HERC2: variants seen among roughly 807,000 people sequenced by gnomAD.
HERC2 encodes HECT and RLD domain containing E3 ubiquitin protein ligase 2, also known as E3 ubiquitin-protein ligase HERC2.
Under a neutral mutation model 537.7 loss-of-function variants are expected in HERC2, and 102 were observed. The observed-to-expected ratio is 0.19, with a 90% CI of 0.16 to 0.22. HERC2 has a LOEUF of 0.22. Among genes scored for constraint, HERC2 ranks in the 10% least tolerant of loss-of-function variants. The pLI, the probability that HERC2 is intolerant of heterozygous loss-of-function variation, is 1.00. For synonymous variants in HERC2, 2,224 were observed against 2,466.2 expected, an observed-to-expected ratio of 0.90 and a Z score of 2.91; for missense variants, 4,236 against 6,198.2, an observed-to-expected ratio of 0.68 and a Z score of 10.63.
chr15:28,314,077 T>C (rs1357912166), intron 2 of HERC2, among the ~76,000 whole-genome samples: 4 of 152,352 alleles, frequency 2.6e-5, no homozygotes, highest in Middle Eastern at 3.4e-3. Flanking sequence ...TGCAGTGACC[T>C]GGGATTGCCT....
intron 2 of HERC2, among the ~76,000 whole-genome samples, chr15:28,311,217 C>A (rs2076936180): frequency 6.6e-6 from 1 of 151,130 alleles, no homozygotes; most frequent in African/African-American, 2.4e-5. Context: ...GTAATCCCAG[C>A]AGTCTGGGAG....
At chr15:28,142,163 T>A in intron 76 of HERC2, 75 bp downstream of exon 76, 1 of 1,508,634 alleles carries the variant, frequency 6.6e-7, no homozygotes, top group East Asian at 2.3e-5. Context: ...TGTCTCGTAA[T>A]ATTGGCATCT....
intron 4 of HERC2, among the ~76,000 whole-genome samples, chr15:28,284,027 G>A (rs1214136427): frequency 1.3e-5 from 2 of 152,244 alleles, no homozygotes; most frequent in African/African-American, 2.4e-5. Context: ...CTTATACACA[G>A]AGCCTGAAGG....
In HERC2 at chr15:28,272,483, C is replaced by T. The variant is rs144012187; in HGVS notation, c.912-97G>A. On this transcript the variant is annotated intron_variant, in intron 8 of 92. Coordinates refer to ENST00000261609, the MANE Select transcript of HERC2 (RefSeq NM_004667.6). The stretch of plus-strand genomic sequence containing the variant: ...AAGCAAATAGCTGGATAGAAGTGAA[C>T]AAATACTTGGGATTTGAAAGGAAAC... The T allele has an allele frequency of 1.3e-5, 15 of 1,122,126 alleles. No homozygotes were observed. The Admixed American group carries it at 2.2e-4, about 17-fold the overall frequency. The allele number at this position is 1,122,126 out of a possible 1,614,324, so 69.5% of individuals were successfully genotyped here.
chr15:28,216,256 T>C (rs893481845), intron 38 of HERC2, among the ~76,000 whole-genome samples: 10 of 152,346 alleles, frequency 6.6e-5, no homozygotes, highest in Admixed American at 5.9e-4. Flanking sequence ...ATATTTTTAA[T>C]TTCGTGTTTT....
chr15:28,294,753 G>A (rs970128027), intron 3 of HERC2, among the ~76,000 whole-genome samples: 2 of 151,930 alleles, frequency 1.3e-5, no homozygotes, highest in Non-Finnish European at 2.9e-5. Flanking sequence ...GTTCCCAAGT[G>A]CAGCCCCCGT....
At chr15:28,153,302 G>A (rs531833675) in intron 69 of HERC2, among the ~76,000 whole-genome samples, 9 of 152,016 alleles carry the variant, frequency 5.9e-5, no homozygotes, top group Non-Finnish European at 1.0e-4. Context: ...GCGGTGAGCC[G>A]AGATCACACC....
intron 81 of HERC2, among the ~76,000 whole-genome samples, chr15:28,130,907 G>T (rs1890040116): frequency 6.6e-6 from 1 of 152,130 alleles, no homozygotes; most frequent in Non-Finnish European, 1.5e-5. Context: ...ATGCTTCTCT[G>T]TGCAGGAGCA....
At position 28,218,652 on chromosome 15, in the gene HERC2, C is replaced by G. The variant is rs747319237; in HGVS notation, c.5865G>C (p.Arg1955Ser). 6 of 1,586,922 alleles carry G rather than the reference C, an allele frequency of 3.8e-6. No individual in the cohort carries two copies. The highest frequency in any genetic ancestry group is 2.7e-5 in the African/African-American group (2 of 74,626). Residue 1955 changes from arginine (R) to serine (S), a missense_variant, in exon 38 of 93, where the codon AGG (arginine) becomes AGC (serine). By Grantham distance (110) the Arg-to-Ser change is moderately radical (BLOSUM62 -1). Around this residue, in one of 27 missense-constraint regions of HERC2, gnomAD observed 365 missense variants for 468.8 expected, o/e 0.78. Transcript: ENST00000261609. ...EDDSEAEQTE[R>S]NIHPTAMMFT... ...ACATCATTGCAGTGGGGTGAATGTT[C>G]CTTTCAGTTTGTTCGGCTTCTAAAA... is the stretch of plus-strand genomic sequence containing the variant.
At chr15:28,199,244 G>A (rs994971804) in intron 48 of HERC2, among the ~76,000 whole-genome samples, 1 of 152,172 alleles carries the variant, frequency 6.6e-6, no homozygotes, top group African/African-American at 2.4e-5. Context: ...GTCTGGCTTT[G>A]TGTCTCAGGC....
intron 88 of HERC2, among the ~76,000 whole-genome samples, chr15:28,116,190 G>T (rs914297694): frequency 6.6e-6 from 1 of 151,648 alleles, no homozygotes; most frequent in African/African-American, 2.4e-5. Flanking sequence ...GTTGGTGAAA[G>T]GCACGATCAA....
In HERC2 at chr15:28,248,375, C is replaced by T. The variant is rs1055699262; in HGVS notation, c.3235+177G>A. On this transcript the variant is annotated intron_variant, in intron 21 of 92. Coordinates refer to ENST00000261609, the MANE Select transcript of HERC2 (RefSeq NM_004667.6). ...AAGGCAACAAAATTAAAAATATTAACGAGGCTATTATAGAAAGGTCCAACT... is the reference window on the plus strand; with the variant it reads ...AAGGCAACAAAATTAAAAATATTAATGAGGCTATTATAGAAAGGTCCAACT... Among the ~76,000 whole-genome samples, 6 of 152,154 alleles carry T rather than the reference C, an allele frequency of 3.9e-5. No homozygotes were observed. In the East Asian group the frequency reaches 5.8e-4, roughly 15 times the overall value.
chr15:28,200,764 T>G (rs1897829045), intron 48 of HERC2, among the ~76,000 whole-genome samples: 1 of 147,906 alleles, frequency 6.8e-6, no homozygotes, highest in Non-Finnish European at 1.5e-5. Context: ...TGTTAGGTAA[T>G]GCTGGTAAAC....
chr15:28,116,611 T>C, intron 88 of HERC2, 54 bp downstream of exon 88: 1 of 1,481,158 alleles, frequency 6.8e-7, no homozygotes. Context: ...ACATTTTAAC[T>C]CAAGAGCAGG....
At position 28,115,432 on chromosome 15, in the gene HERC2, A is replaced by G. The variant is rs1365044402; in HGVS notation, c.13719T>C (p.Ser4573=). 9.3e-6 allele frequency: 15 copies of G among 1,612,010 alleles called. No individual in the cohort carries two copies. Among genetic ancestry groups the G allele is most frequent in the Non-Finnish European group, 1.3e-5 (15 of 1,178,452 alleles). ...AGMSLTIADL[S]EVDKDFIPGL... ...GCCTGCCGCCCCAGGGAGTTACCTC[A>G]CTGAGGTCCGCGATGGTGAGGCTCA... Residue 4573 remains serine (S), a synonymous_variant, in exon 89 of 93, where the codon AGT becomes AGC. Transcript: ENST00000261609.
intron 79 of HERC2, among the ~76,000 whole-genome samples, chr15:28,135,195 T>G (rs1401754597): frequency 6.6e-6 from 1 of 152,232 alleles, no homozygotes; most frequent in Non-Finnish European, 1.5e-5. Flanking sequence ...CAAACGTGAT[T>G]CAGTGGATGA....
intron 2 of HERC2, among the ~76,000 whole-genome samples, chr15:28,317,852 T>C (rs1614575): frequency 0.7 from 105,799 of 151,804 alleles, 36,465 homozygotes; most frequent in Non-Finnish European, 0.84. Flanking sequence ...TGCGCAAATA[T>C]ACAGTGACCT....
chr15:28,204,594 T>G (rs571596218), intron 45 of HERC2, among the ~76,000 whole-genome samples: 8 of 138,506 alleles, frequency 5.8e-5, no homozygotes, highest in South Asian at 2.2e-4. Context: ...CACTCCAGCC[T>G]GGAGACAGAG....
At chr15:28,306,541 A>T (rs1275770078) in intron 2 of HERC2, among the ~76,000 whole-genome samples, 2 of 152,030 alleles carry the variant, frequency 1.3e-5, no homozygotes, top group East Asian at 3.8e-4. Context: ...TTTTTTGATT[A>T]TGTCTTTGTC....
Sources: gnomAD v4.1 joint callset for allele counts (sites outside exome capture counted in the v4.1 genomes callset) on GRCh38, gnomAD v4.1.1 for gene constraint, gnomAD v4.1.1 regional missense constraint, MANE v1.5 for transcripts, NCBI Gene and HGNC (gene_info 2026-07-23, HGNC 2026-07-21) for gene names.